Variants in SLC25A20 observed in about 807,000 individuals in gnomAD.
The protein encoded by SLC25A20 is solute carrier family 25 member 20, also known as mitochondrial carnitine/acylcarnitine carrier protein.
In SLC25A20, 29 loss-of-function variants were observed where a neutral mutation model predicts 39.7. The ratio of observed to expected loss-of-function variants is 0.73; its 90% CI spans 0.54 to 1.00. The LOEUF is 1.00. Ranked by LOEUF, SLC25A20 falls within the 50% of genes least tolerant of loss-of-function variation. The pLI is 0.00. For synonymous variants in SLC25A20, 103 were observed against 142.2 expected, an observed-to-expected ratio of 0.72 and a Z score of 1.96; for missense variants, 333 against 379.9, an observed-to-expected ratio of 0.88 and a Z score of 1.03.
At chr3:48,878,799 C>CA (rs544605074) in intron 4 of SLC25A20, among the ~76,000 whole-genome samples, 316 of 83,358 alleles carry the variant, frequency 3.8e-3, no homozygotes, top group South Asian at 0.015. Context: ...GACCCCATCT[C>CA]AAAAAAAAAA....
chr3:48,879,288 G>T (rs1328121262), intron 4 of SLC25A20, 70 bp downstream of exon 4: 37 of 1,150,246 alleles, frequency 3.2e-5, no homozygotes, highest in Non-Finnish European at 4.6e-5. Flanking sequence ...AAGGGTGAAA[G>T]GACATAAACA....
chr3:48,884,224 C>T (rs1251028457), intron 2 of SLC25A20, 100 bp from the exon 3 acceptor site: 2 of 1,473,792 alleles, frequency 1.4e-6, no homozygotes, highest in East Asian at 2.3e-5. Flanking sequence ...TGGCTTCCTT[C>T]ACCTCTTCTT....
In SLC25A20 at chr3:48,875,160, G is replaced by T. The variant is rs548382652; in HGVS notation, c.417+4198C>A. On this transcript the variant is annotated intron_variant, in intron 4 of 8. Transcript: ENST00000319017. Reference sequence around the variant, plus strand: ...GCTCTGTTGCCCAGGCTGGAGTGCAGTGGTGCAATCTCGGCTCACTGCAAC... The same window carrying T: ...GCTCTGTTGCCCAGGCTGGAGTGCATTGGTGCAATCTCGGCTCACTGCAAC... Among the ~76,000 whole-genome samples the T allele has an allele frequency of 1.1e-4, 16 of 151,650 alleles. 1 individual carries two copies. Among genetic ancestry groups the T allele is most frequent in the South Asian group, 8.3e-4 (4 of 4,814 alleles).
Position 48,857,265 on chromosome 3 carries a change from G to A in SLC25A20, c.*445C>T, listed in dbSNP as rs2083586705. On this transcript the variant is annotated 3_prime_UTR_variant, in exon 9 of 9. Coordinates refer to ENST00000319017, the MANE Select transcript of SLC25A20 (RefSeq NM_000387.6). Reference sequence around the variant, plus strand: ...CAGCCCAGGATTAGATGGCACCCTGGAAATCAAATGGGTATTCCTGGCTAG... The same window carrying A: ...CAGCCCAGGATTAGATGGCACCCTGAAAATCAAATGGGTATTCCTGGCTAG... 1 of 232,594 alleles carries A rather than the reference G, an allele frequency of 4.3e-6. No individual in the cohort carries two copies. Among genetic ancestry groups the A allele is most frequent in the Non-Finnish European group, 8.6e-6 (1 of 115,882 alleles). The allele number at this position is 232,594 out of a possible 1,614,324, so 14.4% of individuals were successfully genotyped here.
Position 48,884,071 on chromosome 3 carries a change from G to A in SLC25A20, c.252C>T (p.Pro84=), listed in dbSNP as rs1315702035. The change falls in exon 3 of 9, where the codon CCC becomes CCT. Residue 84 remains proline (P), a synonymous_variant. Coordinates refer to ENST00000319017, the MANE Select transcript of SLC25A20 (RefSeq NM_000387.6). Reference sequence around the variant, plus strand: ...ACCCAAAGAAGCACACGGCAAACATGGGAGTGACCCCGATGATAGGGGCAG... The same window carrying A: ...ACCCAAAGAAGCACACGGCAAACATAGGAGTGACCCCGATGATAGGGGCAG... The part of the protein sequence containing the change: ...GMAAPIIGVT[P]MFAVCFFGFG... 1 of 1,613,942 alleles carries A rather than the reference G, an allele frequency of 6.2e-7. No homozygotes were observed. Among genetic ancestry groups the A allele is most frequent in the South Asian group, 1.1e-5 (1 of 91,076 alleles).
At chr3:48,885,538 G>C (rs2083823828) in intron 2 of SLC25A20, among the ~76,000 whole-genome samples, 1 of 152,166 alleles carries the variant, frequency 6.6e-6, no homozygotes, top group African/African-American at 2.4e-5. Context: ...GGGTGCAGTA[G>C]CTCATGCCTG....
At chr3:48,882,429 C>T (rs1360421603) in intron 3 of SLC25A20, among the ~76,000 whole-genome samples, 1 of 152,198 alleles carries the variant, frequency 6.6e-6, no homozygotes, top group African/African-American at 2.4e-5. Flanking sequence ...GAAAGCAAGG[C>T]TGTTCTTGTC....
rs539273689 is a variant in SLC25A20 at position 48,888,883 on chromosome 3, G to A, written c.198+3097C>T. On this transcript the variant is annotated intron_variant, in intron 2 of 8. Coordinates refer to ENST00000319017, the MANE Select transcript of SLC25A20 (RefSeq NM_000387.6). ...GGGTGGATCATGAGGTCAGGAGATC[G>A]AGACCATCCTGGTTAACATGGTGAA... 2.2e-3 allele frequency among the ~76,000 whole-genome samples: 333 copies of A among 151,932 alleles called. 3 individuals are homozygous for A. The highest frequency in any genetic ancestry group is 7.6e-3 in the African/African-American group (315 of 41,456).
chr3:48,882,874 G>T (rs552744840), intron 3 of SLC25A20, among the ~76,000 whole-genome samples: 1 of 152,012 alleles, frequency 6.6e-6, no homozygotes, highest in Non-Finnish European at 1.5e-5. Context: ...GGGTGACAAA[G>T]AAAGACCCCA....
At chr3:48,860,834 C>CTT (rs780743103) in intron 5 of SLC25A20, among the ~76,000 whole-genome samples, 21 of 134,296 alleles carry the variant, frequency 1.6e-4, no homozygotes, top group East Asian at 4.3e-4. Flanking sequence ...TATTACTTTA[C>CTT]TTTTTTTTTT....
chr3:48,886,622 G>C (rs1418281847), intron 2 of SLC25A20, among the ~76,000 whole-genome samples: 2 of 152,026 alleles, frequency 1.3e-5, no homozygotes, highest in African/African-American at 4.8e-5. Flanking sequence ...TGAAAAAATT[G>C]AAAGTAGTTG....
chr3:48,875,589 T>C (rs2083749988), intron 4 of SLC25A20, among the ~76,000 whole-genome samples: 1 of 152,156 alleles, frequency 6.6e-6, no homozygotes, highest in African/African-American at 2.4e-5. Flanking sequence ...TTTGTATTTT[T>C]GGTAGAGACG....
intron 8 of SLC25A20, 91 bp downstream of exon 8, chr3:48,858,416 C>T: frequency 6.3e-7 from 1 of 1,577,182 alleles, no homozygotes; most frequent in Non-Finnish European, 8.7e-7. Context: ...AAACTGAGAC[C>T]CCAGTCCTAT....
At chr3:48,891,766 T>C (rs2083879102) in intron 2 of SLC25A20, among the ~76,000 whole-genome samples, 1 of 152,158 alleles carries the variant, frequency 6.6e-6, no homozygotes, top group African/African-American at 2.4e-5. Context: ...ACCATTTTAT[T>C]AGCCTTAGTC....
chr3:48,865,086 T>C (rs752049151), intron 4 of SLC25A20, among the ~76,000 whole-genome samples: 5 of 152,024 alleles, frequency 3.3e-5, no homozygotes, highest in Non-Finnish European at 5.9e-5. Context: ...CATAGAAATG[T>C]TGGATAAACT....
At chr3:48,876,631 G>C (rs920808133) in intron 4 of SLC25A20, among the ~76,000 whole-genome samples, 1 of 151,266 alleles carries the variant, frequency 6.6e-6, no homozygotes, top group Non-Finnish European at 1.5e-5. Context: ...TCACCATGTT[G>C]GTCAGGCTGG....
At chr3:48,893,132 A>T (rs1282787123) in intron 1 of SLC25A20, among the ~76,000 whole-genome samples, 1 of 151,840 alleles carries the variant, frequency 6.6e-6, no homozygotes, top group Non-Finnish European at 1.5e-5. Context: ...GGCTCATGCA[A>T]TCCTCCCACC....
chr3:48,876,447 T>TG (rs1321537575), intron 4 of SLC25A20, among the ~76,000 whole-genome samples: 1 of 151,886 alleles, frequency 6.6e-6, no homozygotes, highest in African/African-American at 2.4e-5. Flanking sequence ...GTTTTTGAGA[T>TG]GGAGTTTCAC....
At position 48,896,030 on chromosome 3, in the gene SLC25A20, C is replaced by G. The variant is rs112335711; in HGVS notation, c.105+2660G>C. 7.3e-5 allele frequency among the ~76,000 whole-genome samples: 11 copies of G among 151,636 alleles called. 1 individual carries two copies. The highest frequency in any genetic ancestry group is 2.2e-4 in the African/African-American group (9 of 41,348). ...TGGTGGGCACCTATAATCCCAGCTA[C>G]TCAGGAGGCTGAGGCAAAAGAATTG... On this transcript the variant is annotated intron_variant, in intron 1 of 8. Transcript: ENST00000319017.
Sources: gnomAD v4.1 joint callset for allele counts (sites outside exome capture counted in the v4.1 genomes callset) on GRCh38, gnomAD v4.1.1 for gene constraint, MANE v1.5 for transcripts, NCBI Gene and HGNC (gene_info 2026-07-23, HGNC 2026-07-21) for gene names.